Variants in CDH8 observed in about 807,000 individuals in gnomAD.
CDH8 encodes the protein cadherin 8.
A neutral mutation model predicts 68.1 loss-of-function variants in CDH8; 17 were observed. The observed-to-expected ratio is 0.25, with a 90% CI of 0.17 to 0.37. CDH8 has a LOEUF of 0.37. CDH8 is among the 10% of genes least tolerant of loss of function. The pLI, the probability that CDH8 is intolerant of heterozygous loss-of-function variation, is 1.00. For synonymous variants in CDH8, 372 were observed against 365.1 expected, an observed-to-expected ratio of 1.02 and a Z score of -0.21; for missense variants, 763 against 999.3, an observed-to-expected ratio of 0.76 and a Z score of 3.19.
intron 2 of CDH8, among the ~76,000 whole-genome samples, chr16:61,965,678 T>C (rs1567548903): frequency 6.6e-6 from 1 of 152,176 alleles, no homozygotes; most frequent in Non-Finnish European, 1.5e-5. Flanking sequence ...AGAAGAAACA[T>C]ATACACAAAA....
At chr16:61,717,638 T>C (rs922277942) in intron 9 of CDH8, among the ~76,000 whole-genome samples, 3 of 151,538 alleles carry the variant, frequency 2.0e-5, no homozygotes, top group Non-Finnish European at 4.4e-5. Flanking sequence ...ATCTGATCTG[T>C]TAACAAGCAT....
intron 4 of CDH8, among the ~76,000 whole-genome samples, chr16:61,834,078 A>G (rs1962517334): frequency 1.3e-5 from 2 of 151,964 alleles, no homozygotes; most frequent in African/African-American, 4.8e-5. Flanking sequence ...CAAAGAGAAA[A>G]AGAGAAGATA....
chr16:61,854,998 C>T (rs1445634129), intron 4 of CDH8, among the ~76,000 whole-genome samples: 5 of 152,074 alleles, frequency 3.3e-5, no homozygotes, highest in South Asian at 2.1e-4. Flanking sequence ...TGACTTTTAT[C>T]GATTATTGAA....
At chr16:61,802,193 C>T (rs1196325820) in intron 7 of CDH8, among the ~76,000 whole-genome samples, 2 of 100,306 alleles carry the variant, frequency 2.0e-5, no homozygotes, top group East Asian at 5.1e-4. Context: ...GAGGCACCCC[C>T]CAGCAGGGGC....
intron 2 of CDH8, among the ~76,000 whole-genome samples, chr16:61,976,254 A>C (rs965286923): frequency 2.0e-5 from 3 of 152,244 alleles, no homozygotes; most frequent in Non-Finnish European, 4.4e-5. Flanking sequence ...CTTGCAAAGC[A>C]GAAATGAAAA....
At chr16:62,026,806 A>G (rs962818615) in intron 1 of CDH8, among the ~76,000 whole-genome samples, 1 of 152,202 alleles carries the variant, frequency 6.6e-6, no homozygotes, top group Non-Finnish European at 1.5e-5. Context: ...GAACCACACT[A>G]TTTGTATGCT....
intron 3 of CDH8, among the ~76,000 whole-genome samples, chr16:61,869,882 T>C (rs1963324340): frequency 6.6e-6 from 1 of 152,234 alleles, no homozygotes; most frequent in Non-Finnish European, 1.5e-5. Flanking sequence ...CAATTCTTCC[T>C]AGTTGCCATA....
chr16:61,919,746 A>T (rs1014271798), intron 2 of CDH8, among the ~76,000 whole-genome samples: 1 of 152,058 alleles, frequency 6.6e-6, no homozygotes, highest in Non-Finnish European at 1.5e-5. Context: ...ACTCTGCAGG[A>T]TATTATCCAG....
At chr16:61,878,698 A>G (rs1309730717) in intron 3 of CDH8, among the ~76,000 whole-genome samples, 1 of 152,220 alleles carries the variant, frequency 6.6e-6, no homozygotes, top group African/African-American at 2.4e-5. Context: ...ATATGATATT[A>G]TTATTTATGG....
chr16:61,971,955 G>T (rs1214307552), intron 2 of CDH8, among the ~76,000 whole-genome samples: 1 of 152,186 alleles, frequency 6.6e-6, no homozygotes, highest in African/African-American at 2.4e-5. Context: ...AGATTGGAGT[G>T]TATCAACGTA....
chr16:61,839,797 T>C (rs1349142880), intron 4 of CDH8, among the ~76,000 whole-genome samples: 7 of 152,166 alleles, frequency 4.6e-5, no homozygotes, highest in African/African-American at 1.7e-4. Flanking sequence ...TGTAGTTCTC[T>C]AGATCTGAAA....
intron 4 of CDH8, among the ~76,000 whole-genome samples, chr16:61,829,520 T>C (rs1962411916): frequency 6.6e-6 from 1 of 151,848 alleles, no homozygotes; most frequent in African/African-American, 2.4e-5. Context: ...TGTAATAATG[T>C]ACTGCGGTCC....
chr16:61,937,782 A>G (rs900681130), intron 2 of CDH8: 1 of 152,134 alleles, frequency 6.6e-6, no homozygotes, highest in Non-Finnish European at 1.5e-5. Flanking sequence ...CTCCTTAAGG[A>G]AAAAACTTTC....
At chr16:61,968,483 CTCTCCA>C (rs1301625310) in intron 2 of CDH8, among the ~76,000 whole-genome samples, 3 of 152,144 alleles carry the variant, frequency 2.0e-5, no homozygotes, top group East Asian at 1.9e-4. Flanking sequence ...AATCACAATC[CTCTCCA>C]TCTCCAAGTC....
At position 61,710,099 on chromosome 16, in the gene CDH8, T is replaced by C. The variant is rs141521783; in HGVS notation, c.1654+3742A>G. 2.0e-4 allele frequency among the ~76,000 whole-genome samples: 30 copies of C among 152,244 alleles called. No homozygotes were observed. In the East Asian group the frequency reaches 4.2e-3, roughly 22 times the overall value. On this transcript the variant is annotated intron_variant, in intron 10 of 11. Transcript: ENST00000577390. Reference sequence around the variant, plus strand: ...ATATAAAGGGACCTCGTCCCACTTATTGTTGCGTGTTTTTCTATATGCCAG... The same window carrying C: ...ATATAAAGGGACCTCGTCCCACTTACTGTTGCGTGTTTTTCTATATGCCAG...
intron 8 of CDH8, among the ~76,000 whole-genome samples, chr16:61,773,304 G>A (rs1960824887): frequency 6.6e-6 from 1 of 151,884 alleles, no homozygotes; most frequent in Non-Finnish European, 1.5e-5. Context: ...TGATTTTTTT[G>A]TGTGAATGAT....
At chr16:61,777,199 G>A (rs1436077727) in intron 8 of CDH8, among the ~76,000 whole-genome samples, 1 of 152,108 alleles carries the variant, frequency 6.6e-6, no homozygotes, top group African/African-American at 2.4e-5. Context: ...CAAAGCCTGA[G>A]GGGTAAATCA....
At chr16:62,006,555 G>A (rs964963448) in intron 2 of CDH8, among the ~76,000 whole-genome samples, 19 of 152,032 alleles carry the variant, frequency 1.2e-4, no homozygotes, top group African/African-American at 4.3e-4. Flanking sequence ...GAAGGTACTA[G>A]GTAGTCAAAA....
chr16:61,688,198 T>C (rs1964145214), intron 10 of CDH8, among the ~76,000 whole-genome samples: 1 of 152,028 alleles, frequency 6.6e-6, no homozygotes, highest in African/African-American at 2.4e-5. Context: ...CACCTGCCAG[T>C]GTTAGCTCTA....
Sources: allele counts gnomAD v4.1 joint callset (sites outside exome capture counted in the v4.1 genomes callset), GRCh38; gene constraint gnomAD v4.1.1; transcripts MANE v1.5; gene names NCBI Gene and HGNC (gene_info 2026-07-23, HGNC 2026-07-21).